WWOX: variants seen among roughly 807,000 people sequenced by gnomAD.
WWOX encodes WW domain containing oxidoreductase.
A neutral mutation model predicts 46.2 loss-of-function variants in WWOX; 69 were observed. The ratio of observed to expected loss-of-function variants is 1.49; its 90% confidence interval spans 1.23 to 1.82. WWOX has a LOEUF of 1.82. WWOX is among the 40% of genes most tolerant of loss of function. The probability of loss-of-function intolerance (pLI) is 0.00; values close to 1 mark genes in which losing one functional copy is unlikely to be tolerated. For synonymous variants in WWOX, 359 were observed against 202.6 expected (o/e 1.77, Z -6.56); for missense variants, 919 against 542.6 (o/e 1.69, Z -6.89).
intron 8 of WWOX, among the ~76,000 whole-genome samples, chr16:79,040,221 CA>C (rs1221575419): frequency 2.0e-5 from 3 of 151,244 alleles, no homozygotes. Flanking sequence ...CTTTGAACCT[CA>C]AAGAGCCAAG....
At chr16:78,777,782 C>G (rs921408940) in intron 8 of WWOX, among the ~76,000 whole-genome samples, 2 of 152,094 alleles carry the variant, frequency 1.3e-5, no homozygotes, top group Non-Finnish European at 2.9e-5. Flanking sequence ...CCTGGTGGCT[C>G]ACGCCTGTAA....
intron 8 of WWOX, among the ~76,000 whole-genome samples, chr16:78,743,246 A>G (rs2049273406): frequency 6.6e-6 from 1 of 152,182 alleles, no homozygotes; most frequent in Non-Finnish European, 1.5e-5. Flanking sequence ...CTCTGAGTGC[A>G]AGGTGACAGT....
intron 8 of WWOX, among the ~76,000 whole-genome samples, chr16:78,877,970 C>T (rs2044267390): frequency 6.6e-6 from 1 of 152,194 alleles, no homozygotes; most frequent in African/African-American, 2.4e-5. Context: ...CCCTCTTGTG[C>T]CTTTTACAGG....
chr16:79,157,071 T>C lies in WWOX; in HGVS notation c.1057-54537T>C, dbSNP rs58597654. Among the ~76,000 whole-genome samples the C allele has an allele frequency of 2.7e-3, 411 of 152,342 alleles. 1 individual carries two copies. Among genetic ancestry groups the C allele is most frequent in the African/African-American group, 9.2e-3 (384 of 41,574 alleles). On this transcript the variant is annotated intron_variant, in intron 8 of 8. Transcript: ENST00000566780. ...CCTTTAGACATTTTGTTTGTACTTATATTAACTTGAGAGAAAGTATTAGGA... is the reference window on the plus strand; with the variant it reads ...CCTTTAGACATTTTGTTTGTACTTACATTAACTTGAGAGAAAGTATTAGGA...
At chr16:78,767,897 G>C (rs966029726) in intron 8 of WWOX, among the ~76,000 whole-genome samples, 1 of 151,906 alleles carries the variant, frequency 6.6e-6, no homozygotes, top group African/African-American at 2.4e-5. Flanking sequence ...ATGGCTTTTT[G>C]GTTCTATTTT....
At position 78,323,357 on chromosome 16, in the gene WWOX, A is replaced by G. The variant is rs1597482948; in HGVS notation, c.517-63503A>G. 2.6e-5 allele frequency among the ~76,000 whole-genome samples: 4 copies of G among 152,250 alleles called. 1 individual carries two copies. ...CCTGACCTCATGATCTGTCAGCCTC[A>G]GCCTCCTAAAGTGCTGGGATTACAG... On this transcript the variant is annotated intron_variant, in intron 5 of 8. Transcript: ENST00000566780.
At chr16:78,340,628 C>A (rs1395976044) in intron 5 of WWOX, among the ~76,000 whole-genome samples, 1 of 120,810 alleles carries the variant, frequency 8.3e-6, no homozygotes, top group Non-Finnish European at 2.0e-5. Flanking sequence ...ACTGTGGACT[C>A]CTCTGAAGGA....
chr16:78,329,835 C>T (rs1232227020), intron 5 of WWOX, among the ~76,000 whole-genome samples: 2 of 151,540 alleles, frequency 1.3e-5, no homozygotes, highest in Non-Finnish European at 2.9e-5. Flanking sequence ...CAGCCTCAAA[C>T]TCTTTGGCTC....
rs190098155 is a variant in WWOX, at chr16:78,372,466, C to T, written c.517-14394C>T. 3.1e-3 allele frequency among the ~76,000 whole-genome samples: 478 copies of T among 152,186 alleles called. 3 individuals are homozygous for T. Among genetic ancestry groups the T allele is most frequent in the Non-Finnish European group, 5.7e-3 (389 of 68,032 alleles). ...GAATGAGAAACATGTTGCTCCATGA[C>T]AGTCAATGATAGAATCACGCTGGGG... is the stretch of plus-strand genomic sequence containing the variant. On this transcript the variant is annotated intron_variant, in intron 5 of 8. Transcript: ENST00000566780.
chr16:78,617,967 A>ATCAT (rs1316777975), intron 8 of WWOX, among the ~76,000 whole-genome samples: 2 of 152,202 alleles, frequency 1.3e-5, no homozygotes, highest in Non-Finnish European at 2.9e-5. Context: ...TCATTATATT[A>ATCAT]TCATTCATAT....
In WWOX at chr16:78,121,192, A is replaced by C. The variant is rs567153430; in HGVS notation, c.409+6038A>C. Among the ~76,000 whole-genome samples the C allele has an allele frequency of 2.6e-3, 400 of 152,342 alleles. 5 individuals are homozygous for C. Among genetic ancestry groups the C allele is most frequent in the South Asian group, 0.017 (82 of 4,824 alleles). ...CTTTTTAAAAACCTGGTGCTCATTA[A>C]GGAAAGGAAAATATTCTGAAATAAT... On this transcript the variant is annotated intron_variant, in intron 4 of 8. Coordinates refer to ENST00000566780, the MANE Select transcript of WWOX (RefSeq NM_016373.4).
At chr16:78,777,564 C>A (rs889291333) in intron 8 of WWOX, among the ~76,000 whole-genome samples, 1 of 152,036 alleles carries the variant, frequency 6.6e-6, no homozygotes, top group African/African-American at 2.4e-5. Context: ...CACTGACAGT[C>A]CCAGCGTGGT....
chr16:79,156,515 A>C (rs1035596096), intron 8 of WWOX, among the ~76,000 whole-genome samples: 7 of 152,208 alleles, frequency 4.6e-5, no homozygotes, highest in Admixed American at 1.3e-4. Context: ...CAAATTTGCC[A>C]CACCAAGTAG....
intron 8 of WWOX, among the ~76,000 whole-genome samples, chr16:78,966,514 T>G (rs1477650311): frequency 1.3e-5 from 2 of 150,004 alleles, no homozygotes; most frequent in East Asian, 3.9e-4. Flanking sequence ...TGACTGTAGT[T>G]TTTTTTTTAA....
At chr16:78,733,057 AT>A (rs1183397543) in intron 8 of WWOX, among the ~76,000 whole-genome samples, 1 of 152,122 alleles carries the variant, frequency 6.6e-6, no homozygotes, top group East Asian at 1.9e-4. Flanking sequence ...CATTTTAATA[AT>A]GTAAAACCAT....
chr16:79,113,783 A>T (rs2049460299), intron 8 of WWOX, among the ~76,000 whole-genome samples: 1 of 152,222 alleles, frequency 6.6e-6, no homozygotes, highest in Admixed American at 6.5e-5. Context: ...TAAGGAGGGC[A>T]AAGGAGAGAT....
intron 8 of WWOX, among the ~76,000 whole-genome samples, chr16:79,175,728 C>CA (rs567608169): frequency 5.5e-4 from 84 of 152,154 alleles, no homozygotes; most frequent in East Asian, 2.1e-3. Flanking sequence ...CGATGTTTAA[C>CA]AAAAAAGATC....
chr16:78,923,351 C>G (rs1056503244), intron 8 of WWOX, among the ~76,000 whole-genome samples: 1 of 152,108 alleles, frequency 6.6e-6, no homozygotes, highest in African/African-American at 2.4e-5. Flanking sequence ...TCATCATTAT[C>G]AACATCATTA....
rs139261827 is a variant in WWOX, at chr16:78,110,096, C to A, written c.230+261C>A. Among the ~76,000 whole-genome samples the A allele has an allele frequency of 2.1e-3, 318 of 151,418 alleles. 1 individual carries two copies. Among genetic ancestry groups the A allele is most frequent in the African/African-American group, 7.4e-3 (306 of 41,288 alleles). On this transcript the variant is annotated intron_variant, in intron 3 of 8. Transcript: ENST00000566780. Reference sequence around the variant, plus strand: ...GTGGCTCATGCCTGTAATCCCAGCACTTTGGGAGGTCGAAGTGGGTGGATC... The same window carrying A: ...GTGGCTCATGCCTGTAATCCCAGCAATTTGGGAGGTCGAAGTGGGTGGATC...
Sources: allele counts gnomAD v4.1 joint callset (sites outside exome capture counted in the v4.1 genomes callset), GRCh38; gene constraint gnomAD v4.1.1; transcripts MANE v1.5; gene names NCBI Gene and HGNC (gene_info 2026-07-23, HGNC 2026-07-21).